The following TAOK1 variants were observed in gnomAD, a reference collection of about 807,000 sequenced individuals.
TAOK1 encodes the protein TAO kinase 1, also known as serine/threonine-protein kinase TAO1.
A neutral mutation model predicts 138.3 loss-of-function variants in TAOK1; 21 were observed. The observed-to-expected ratio is 0.15, with a 90% confidence interval of 0.11 to 0.22. TAOK1 has a LOEUF of 0.22. TAOK1 is among the 10% of genes least tolerant of loss of function. The pLI is 1.00. For synonymous variants in TAOK1, 361 were observed against 398.4 expected (o/e 0.91, Z 1.12); for missense variants, 651 against 1,227.7 (o/e 0.53, Z 7.02).
intron 1 of TAOK1, among the ~76,000 whole-genome samples, chr17:29,395,558 T>C (rs8067521): frequency 6.6e-6 from 1 of 151,526 alleles, no homozygotes; most frequent in Admixed American, 6.6e-5. Context: ...ATAAAAAAGT[T>C]TTATTTCTCT....
chr17:29,520,143 C>T (rs1009241669), intron 16 of TAOK1, among the ~76,000 whole-genome samples: 7 of 149,452 alleles, frequency 4.7e-5, no homozygotes, highest in African/African-American at 1.2e-4. Flanking sequence ...ATCACACCAC[C>T]GCACTCCAGC....
chr17:29,482,532 T>C (rs1331922604), intron 8 of TAOK1, among the ~76,000 whole-genome samples: 1 of 152,154 alleles, frequency 6.6e-6, no homozygotes, highest in African/African-American at 2.4e-5. Context: ...TAATTAAGTT[T>C]GAGGAATCTA....
intron 7 of TAOK1, among the ~76,000 whole-genome samples, chr17:29,481,775 C>T (rs372071958): frequency 4.0e-5 from 6 of 151,890 alleles, no homozygotes; most frequent in South Asian, 2.1e-4. Flanking sequence ...CTGGCTAACA[C>T]GGTGAAACTC....
chr17:29,447,691 A>G (rs985625528), intron 1 of TAOK1, among the ~76,000 whole-genome samples: 1 of 145,694 alleles, frequency 6.9e-6, no homozygotes, highest in Non-Finnish European at 1.5e-5. Flanking sequence ...GAGTGTCGCT[A>G]TGTTGCCCAG....
intron 1 of TAOK1, among the ~76,000 whole-genome samples, chr17:29,398,310 G>A (rs1194919621): frequency 2.6e-5 from 4 of 150,962 alleles, no homozygotes; most frequent in East Asian, 2.0e-4. Context: ...AGGTTCAAGC[G>A]ATTCTCCTGC....
At position 29,494,170 on chromosome 17, in the gene TAOK1, G is replaced by A. The variant is rs1240202879; in HGVS notation, c.832-1390G>A. ...GATCTGCCTGCCTTGGCCTCCCAAA[G>A]TGCTGTGATAACAGGTATAAGCCAC... On this transcript the variant is annotated intron_variant, in intron 10 of 19. Coordinates refer to ENST00000261716, the MANE Select transcript of TAOK1 (RefSeq NM_020791.4). 2.6e-5 allele frequency among the ~76,000 whole-genome samples: 4 copies of A among 152,248 alleles called. No homozygotes were observed. The South Asian group carries it at 8.3e-4, about 32-fold the overall frequency.
At chr17:29,489,785 C>A in intron 9 of TAOK1, 28 bp downstream of exon 9, 1 of 1,463,466 alleles carries the variant, frequency 6.8e-7, no homozygotes, top group Non-Finnish European at 9.3e-7. Flanking sequence ...ATATATTGCT[C>A]AGTGTTGAAT....
At chr17:29,419,416 G>A (rs894338510) in intron 1 of TAOK1, among the ~76,000 whole-genome samples, 1 of 151,288 alleles carries the variant, frequency 6.6e-6, no homozygotes, top group Admixed American at 6.6e-5. Context: ...GGCTGGTCTC[G>A]AACTCCCGAC....
At chr17:29,476,660 C>G (rs1210149323) in intron 4 of TAOK1, among the ~76,000 whole-genome samples, 2 of 152,022 alleles carry the variant, frequency 1.3e-5, no homozygotes, top group Non-Finnish European at 2.9e-5. Flanking sequence ...ACACCCACCC[C>G]CAGGATACCA....
chr17:29,495,599 A>G lies in TAOK1; in HGVS notation c.871A>G (p.Ile291Val). 6.2e-7 allele frequency: 1 copy of G among 1,611,048 alleles called. No individual in the cohort carries two copies. Among genetic ancestry groups the G allele is most frequent in the South Asian group, 1.1e-5 (1 of 90,596 alleles). ...VLRERPETVL[I>V]DLIQRTKDAV... ...TCGGGAGCGCCCTGAAACCGTGTTA[A>G]TAGATCTCATTCAGAGGACAAAGGA... Residue 291 changes from isoleucine to valine, a missense_variant, in exon 11 of 20, where the codon ATA becomes GTA. By Grantham distance (29) the Ile-to-Val change is conservative. Coordinates refer to ENST00000261716, the MANE Select transcript of TAOK1 (RefSeq NM_020791.4).
intron 13 of TAOK1, among the ~76,000 whole-genome samples, chr17:29,503,838 C>T (rs530027810): frequency 3.3e-5 from 5 of 151,812 alleles, no homozygotes; most frequent in South Asian, 2.1e-4. Context: ...AGGTGGGGTG[C>T]GGTAGCTCAC....
intron 11 of TAOK1, among the ~76,000 whole-genome samples, chr17:29,498,013 A>G (rs1411866417): frequency 1.3e-5 from 2 of 152,192 alleles, no homozygotes; most frequent in African/African-American, 2.4e-5. Flanking sequence ...AGAAATGGTT[A>G]TTTTAAAATA....
intron 2 of TAOK1, among the ~76,000 whole-genome samples, chr17:29,456,737 T>C (rs1200068115): frequency 1.3e-5 from 2 of 150,406 alleles, no homozygotes; most frequent in Non-Finnish European, 2.9e-5. Flanking sequence ...TCTTTTTTTG[T>C]TTTGTTTTGT....
chr17:29,477,515 A>G, intron 4 of TAOK1, 146 bp from the exon 5 acceptor site: 1 of 273,872 alleles, frequency 3.7e-6, no homozygotes, highest in East Asian at 8.0e-5. Context: ...AGTAATATCT[A>G]TATAACTATT....
intron 1 of TAOK1, among the ~76,000 whole-genome samples, chr17:29,439,321 G>A (rs932273791): frequency 1.3e-5 from 2 of 151,390 alleles, no homozygotes; most frequent in African/African-American, 4.9e-5. Context: ...TCCTGCCTCA[G>A]CCTCCTGAGT....
At chr17:29,479,271 T>A (rs2031009419) in intron 6 of TAOK1, among the ~76,000 whole-genome samples, 1 of 152,220 alleles carries the variant, frequency 6.6e-6, no homozygotes, top group African/African-American at 2.4e-5. Flanking sequence ...TTGGCACTGG[T>A]ATTGGTTCTA....
intron 2 of TAOK1, among the ~76,000 whole-genome samples, chr17:29,466,298 T>A (rs997421934): frequency 2.6e-5 from 4 of 151,986 alleles, no homozygotes; most frequent in African/African-American, 9.7e-5. Context: ...CGTGCACCAC[T>A]ACACCTGGCT....
chr17:29,445,303 A>G (rs188576753), intron 1 of TAOK1: 38 of 152,510 alleles, frequency 2.5e-4, no homozygotes. Context: ...AAAATGTGCA[A>G]ATATGGAACA....
chr17:29,432,028 C>T (rs917964012), intron 1 of TAOK1, among the ~76,000 whole-genome samples: 5 of 151,982 alleles, frequency 3.3e-5, no homozygotes, highest in African/African-American at 1.2e-4. Flanking sequence ...GTGCGGAGAC[C>T]AGCTCGGTTG....
Sources: allele counts gnomAD v4.1 joint callset (sites outside exome capture counted in the v4.1 genomes callset), GRCh38; gene constraint gnomAD v4.1.1; transcripts MANE v1.5; gene names NCBI Gene and HGNC (gene_info 2026-07-23, HGNC 2026-07-21).